Variants in RHOBTB3 observed in about 807,000 individuals in gnomAD.
RHOBTB3 encodes the protein rho-related BTB domain-containing protein 3.
In RHOBTB3, 47 loss-of-function variants were observed where a neutral mutation model predicts 67.2. The observed-to-expected ratio is 0.70, with a 90% confidence interval of 0.55 to 0.89. RHOBTB3 has a LOEUF of 0.89. Ranked by LOEUF, RHOBTB3 falls within the 40% of genes least tolerant of loss-of-function variation. The pLI, the probability that RHOBTB3 is intolerant of heterozygous loss-of-function variation, is 0.00. For missense variants in RHOBTB3, 631 were observed against 750.0 expected (o/e 0.84, Z 1.85); for synonymous variants, 273 against 274.2 (o/e 1.00, Z 0.04).
Position 95,731,963 on chromosome 5 carries a change from C to CCGGGGA in RHOBTB3, c.110_115dup (p.Gly37_Asp38dup). 6.2e-7 allele frequency: 1 copy of CCGGGGA among 1,614,172 alleles called. No individual in the cohort carries two copies. Among genetic ancestry groups the CCGGGGA allele is most frequent in the South Asian group, 1.1e-5 (1 of 91,084 alleles). ...TACCTGGGGAGAAGCCCTCTGGTCTCCGGGGACGAGAGCAGCTTGTTGCTG... is the reference window on the plus strand; with the variant it reads ...TACCTGGGGAGAAGCCCTCTGGTCTCCGGGGACGGGGACGAGAGCAGCTTGTTGCTG... On this transcript the variant is annotated inframe_insertion, in exon 2 of 12. Transcript: ENST00000379982.
At chr5:95,789,133 G>T in intron 11 of RHOBTB3, 1 of 310,510 alleles carries the variant, frequency 3.2e-6, no homozygotes, top group Non-Finnish European at 5.8e-6. Context: ...TAGATAAGGT[G>T]ACAAAATGTG....
At chr5:95,770,111 G>A (rs889776657) in intron 8 of RHOBTB3, 1 of 268,114 alleles carries the variant, frequency 3.7e-6, no homozygotes, top group Non-Finnish European at 7.6e-6. Flanking sequence ...GTCTTGAATT[G>A]AAAATTGTAT....
chr5:95,731,029 C>G (rs528102425), upstream of RHOBTB3: 25 of 932,494 alleles, frequency 2.7e-5, 1 homozygote, highest in Admixed American at 9.8e-5. Flanking sequence ...GCCCCACCCC[C>G]CTTTCCTGGC....
In RHOBTB3 at chr5:95,719,721, G is replaced by A. The variant is rs547220809; in HGVS notation, n.133+1956G>A. On this transcript the variant is annotated intron_variant and non_coding_transcript_variant, in intron 1 of 5. Transcript: ENST00000504949. Reference sequence around the variant, plus strand: ...TGACTGTGGCTCTTCGATGATCCTTGTAGTTAATGCCATCATGCAGATAGG... The same window carrying A: ...TGACTGTGGCTCTTCGATGATCCTTATAGTTAATGCCATCATGCAGATAGG... The A allele has an allele frequency of 2.0e-5, 3 of 152,256 alleles. No individual in the cohort carries two copies. The South Asian group carries it at 6.2e-4, about 32-fold the overall frequency. The allele number at this position is 152,256 out of a possible 1,614,324, so 9.4% of individuals were successfully genotyped here. A position where few individuals can be genotyped will look rare whatever the true frequency, so the allele number is the denominator to read the frequency against.
Position 95,793,145 on chromosome 5 carries a change from TC to T in RHOBTB3, c.1810del (p.Arg604GlyfsTer6). 6.2e-7 allele frequency: 1 copy of T among 1,612,166 alleles called. No homozygotes were observed. Among genetic ancestry groups the T allele is most frequent in the Non-Finnish European group, 8.5e-7 (1 of 1,178,920 alleles). On this transcript the variant is annotated frameshift_variant, in exon 12 of 12. Coordinates refer to ENST00000379982, the MANE Select transcript of RHOBTB3 (RefSeq NM_014899.4). LOFTEE classifies it high-confidence loss of function. Reference protein sequence around the residue: ...QLAEYRKYIHSRKCRCLVM With the variant: ...QLAEYRKYIHXRKCRCLVM Reference sequence around the variant, plus strand: ...TGCGGAATACAGGAAGTATATTCACTCCCGGAAATGTCGTTGCTTAGTAATG... The same window carrying T: ...TGCGGAATACAGGAAGTATATTCACTCCGGAAATGTCGTTGCTTAGTAATG...
upstream of RHOBTB3, chr5:95,730,747 TC>T (rs1356029130): frequency 6.2e-6 from 2 of 323,552 alleles, no homozygotes; most frequent in Non-Finnish European, 1.3e-5. Flanking sequence ...TAGTAAATAA[TC>T]CCCCCAAGGC....
At chr5:95,787,178 G>A (rs560648795) in intron 10 of RHOBTB3, among the ~76,000 whole-genome samples, 1 of 152,204 alleles carries the variant, frequency 6.6e-6, no homozygotes, top group South Asian at 2.1e-4. Flanking sequence ...AGCCCTTAAG[G>A]CAATGTCCTA....
intron 8 of RHOBTB3, chr5:95,769,957 T>C (rs1745660018): frequency 2.1e-5 from 9 of 431,096 alleles, no homozygotes; most frequent in South Asian, 1.2e-4. Flanking sequence ...TTGTTGACAA[T>C]AGAAAGAACC....
chr5:95,768,923 A>G (rs1745627043), intron 8 of RHOBTB3: 2 of 168,900 alleles, frequency 1.2e-5, no homozygotes, highest in Non-Finnish European at 2.5e-5. Context: ...GCTCATCGCC[A>G]TGTGCGTCTT....
chr5:95,764,772 ATGAAAC>A (rs998441702), intron 7 of RHOBTB3, among the ~76,000 whole-genome samples: 1 of 152,228 alleles, frequency 6.6e-6, no homozygotes, highest in East Asian at 1.9e-4. Context: ...TTTTACAAAA[ATGAAAC>A]TGTACTAGCT....
intron 8 of RHOBTB3, among the ~76,000 whole-genome samples, chr5:95,772,599 T>C (rs1180383043): frequency 6.6e-6 from 1 of 152,156 alleles, no homozygotes; most frequent in Non-Finnish European, 1.5e-5. Context: ...CTAATCTCAT[T>C]CTTTGTGTGT....
At chr5:95,731,718 C>G (rs762570681) in intron 1 of RHOBTB3, 34 bp downstream of exon 1, 9 of 1,612,918 alleles carry the variant, frequency 5.6e-6, no homozygotes, top group African/African-American at 1.3e-5. Context: ...CATTGTCTCT[C>G]TCCAGCGCGT....
chr5:95,764,779 TG>T (rs1745495024), intron 7 of RHOBTB3, among the ~76,000 whole-genome samples: 1 of 152,212 alleles, frequency 6.6e-6, no homozygotes, highest in South Asian at 2.1e-4. Context: ...AAAATGAAAC[TG>T]TACTAGCTTT....
At chr5:95,727,132 T>C (rs1755078760), upstream of RHOBTB3, among the ~76,000 whole-genome samples, 3 of 152,220 alleles carry the variant, frequency 2.0e-5, no homozygotes, top group South Asian at 2.1e-4. Flanking sequence ...AAAATGAATA[T>C]GAAACTTTAA....
intron 6 of RHOBTB3, among the ~76,000 whole-genome samples, chr5:95,759,402 A>T (rs1308314097): frequency 6.6e-6 from 1 of 152,264 alleles, no homozygotes; most frequent in Non-Finnish European, 1.5e-5. Flanking sequence ...GGCTCAAGGA[A>T]AAGTTTCATT....
At chr5:95,736,646 T>C (rs1356053421) in intron 2 of RHOBTB3, among the ~76,000 whole-genome samples, 2 of 152,228 alleles carry the variant, frequency 1.3e-5, no homozygotes, top group African/African-American at 4.8e-5. Context: ...AAGAGGTTGC[T>C]TATTTTATCT....
At chr5:95,742,831 G>A (rs1755635942) in intron 3 of RHOBTB3, among the ~76,000 whole-genome samples, 1 of 152,126 alleles carries the variant, frequency 6.6e-6, no homozygotes, top group South Asian at 2.1e-4. Flanking sequence ...CCAGCACTTC[G>A]GGAGGCCGAG....
At chr5:95,775,838 A>G (rs766334950) in intron 8 of RHOBTB3, among the ~76,000 whole-genome samples, 16 of 152,192 alleles carry the variant, frequency 1.1e-4, no homozygotes, top group Non-Finnish European at 2.1e-4. Flanking sequence ...TTTATATTTT[A>G]AATTTATGTC....
At chr5:95,719,099 A>G (rs1432069511) in intron 1 of RHOBTB3, among the ~76,000 whole-genome samples, 1 of 152,178 alleles carries the variant, frequency 6.6e-6, no homozygotes, top group Non-Finnish European at 1.5e-5. Context: ...TTGAGATCAT[A>G]GAGAACATGG....
Sources: gnomAD v4.1 joint callset for allele counts (sites outside exome capture counted in the v4.1 genomes callset) on GRCh38, gnomAD v4.1.1 for gene constraint, MANE v1.5 for transcripts, NCBI Gene and HGNC (gene_info 2026-07-23, HGNC 2026-07-21) for gene names.